Variants in PPP6R1 observed in about 807,000 individuals in gnomAD.
PPP6R1 encodes protein phosphatase 6 regulatory subunit 1.
A neutral mutation model predicts 104.6 loss-of-function variants in PPP6R1; 39 were observed. The ratio of observed to expected loss-of-function variants is 0.37; its 90% CI spans 0.29 to 0.49. PPP6R1 has a LOEUF of 0.49. Ranked by LOEUF, PPP6R1 falls within the 20% of genes least tolerant of loss-of-function variation. PPP6R1 has a pLI of 0.98. For synonymous variants in PPP6R1, 549 were observed against 479.0 expected (o/e 1.15, Z -1.91); for missense variants, 1,181 against 1,155.8 (o/e 1.02, Z -0.32).
intron 1 of PPP6R1, among the ~76,000 whole-genome samples, chr19:55,253,407 A>ACC (rs1001715167): frequency 1.3e-5 from 2 of 152,106 alleles, no homozygotes; most frequent in Non-Finnish European, 2.9e-5. Flanking sequence ...CAAACCCCCT[A>ACC]CCCCTGGTAC....
chr19:55,232,300 G>T, intron 17 of PPP6R1, 89 bp from the exon 18 acceptor site: 1 of 1,457,366 alleles, frequency 6.9e-7, no homozygotes, highest in Admixed American at 2.4e-5. Context: ...TCAGCCCAAG[G>T]AGAGCGGGCT....
rs769434477 is a variant in PPP6R1 at position 55,239,507 on chromosome 19, G to A, written c.1654-5C>T. On this transcript the variant is annotated splice_region_variant and splice_polypyrimidine_tract_variant and intron_variant, in intron 14 of 23. Transcript: ENST00000412770. Reference sequence around the variant, plus strand: ...CATCTGGAAGTCCATGAAGGCCTGTGGGGGTGCGGAGGTTAGGGCTGGAGG... The same window carrying A: ...CATCTGGAAGTCCATGAAGGCCTGTAGGGGTGCGGAGGTTAGGGCTGGAGG... 4 of 1,613,790 alleles carry A rather than the reference G, an allele frequency of 2.5e-6. No homozygotes were observed. The South Asian group carries it at 3.3e-5, about 13-fold the overall frequency.
intron 2 of PPP6R1, among the ~76,000 whole-genome samples, chr19:55,246,448 G>C (rs1004933427): frequency 6.6e-6 from 1 of 150,852 alleles, no homozygotes; most frequent in Non-Finnish European, 1.5e-5. Flanking sequence ...TTTCAGCATC[G>C]CTTGGATTAA....
chr19:55,241,695 C>T lies in PPP6R1; in HGVS notation c.846-56G>A. 1.3e-6 allele frequency: 2 copies of T among 1,483,370 alleles called. No individual in the cohort carries two copies. Among genetic ancestry groups the T allele is most frequent in the Non-Finnish European group, 1.8e-6 (2 of 1,112,430 alleles). The allele number at this position is 1,483,370 out of a possible 1,614,324, so 91.9% of individuals were successfully genotyped here. A position where few individuals can be genotyped will look rare whatever the true frequency, so the allele number is the denominator to read the frequency against. On this transcript the variant is annotated intron_variant, in intron 7 of 23. Transcript: ENST00000412770. The surrounding 1 kb of genome is among the most constrained non-coding windows in gnomAD (Gnocchi z 5.4). Reference sequence around the variant, plus strand: ...AGCCTAGATGGCCTGTGCGCCCACACAGGAGTAGGCACAAGGACCACGTCT... The same window carrying T: ...AGCCTAGATGGCCTGTGCGCCCACATAGGAGTAGGCACAAGGACCACGTCT...
chr19:55,229,113 A>G (rs968377372), downstream of PPP6R1: 11 of 241,298 alleles, frequency 4.6e-5, no homozygotes, highest in African/African-American at 2.4e-4. Context: ...GGCTGGCAGG[A>G]GTGCCCCTGG....
rs1374236082 is a variant in PPP6R1 at position 55,241,464 on chromosome 19, C to T, written c.1008+13G>A. The T allele has an allele frequency of 6.2e-6, 10 of 1,602,638 alleles. No homozygotes were observed. Among genetic ancestry groups the T allele is most frequent in the Non-Finnish European group, 8.5e-6 (10 of 1,174,108 alleles). ...CCCCCGCCTCCCCGAGGACCAGAAC[C>T]CACACCCCTGACCTTGGGAGGCTCC... On this transcript the variant is annotated intron_variant, in intron 8 of 23. Transcript: ENST00000412770. The surrounding 1 kb of genome is among the most constrained non-coding windows in gnomAD (Gnocchi z 5.4).
chr19:55,243,142 C>T (rs1005750810), intron 5 of PPP6R1, among the ~76,000 whole-genome samples: 5 of 151,994 alleles, frequency 3.3e-5, no homozygotes, highest in East Asian at 1.9e-4. Context: ...GGGCCGGGCG[C>T]GGTGGCTCAC....
In PPP6R1 at chr19:55,243,178, G is replaced by T. The variant is rs536827593; in HGVS notation, c.619-690C>A. 1.1e-3 allele frequency among the ~76,000 whole-genome samples: 169 copies of T among 152,316 alleles called. 2 individuals are homozygous for T. The highest frequency in any genetic ancestry group is 2.7e-3 in the Admixed American group (42 of 15,308). On this transcript the variant is annotated intron_variant, in intron 5 of 23. Coordinates refer to ENST00000412770, the MANE Select transcript of PPP6R1 (RefSeq NM_014931.4). Reference sequence around the variant, plus strand: ...GCCTGTAATCCCAGCACTTTGGGAGGCCGAGGCAGGTGGATCACGAGGTCA... The same window carrying T: ...GCCTGTAATCCCAGCACTTTGGGAGTCCGAGGCAGGTGGATCACGAGGTCA...
intron 1 of PPP6R1, among the ~76,000 whole-genome samples, chr19:55,257,214 C>T (rs1198533784): frequency 1.3e-5 from 2 of 152,224 alleles, no homozygotes; most frequent in East Asian, 1.9e-4. Context: ...ACCAAGTCCT[C>T]ATCCTGTGTT....
intron 15 of PPP6R1, 57 bp downstream of exon 15, chr19:55,239,348 C>A: frequency 6.6e-7 from 1 of 1,506,170 alleles, no homozygotes. Flanking sequence ...TACAAGTAGG[C>A]GCGCCTGCTG....
At chr19:55,257,155 C>A (rs2087599475) in intron 1 of PPP6R1, among the ~76,000 whole-genome samples, 1 of 151,768 alleles carries the variant, frequency 6.6e-6, no homozygotes, top group African/African-American at 2.4e-5. Context: ...CACTAGTAAG[C>A]ACACGTGGCC....
chr19:55,239,515 G>A lies in PPP6R1; in HGVS notation c.1654-13C>T, dbSNP rs536993366. ...AGTCCATGAAGGCCTGTGGGGGTGC[G>A]GAGGTTAGGGCTGGAGGGAGTTGGG... is the stretch of plus-strand genomic sequence containing the variant. On this transcript the variant is annotated splice_polypyrimidine_tract_variant and intron_variant, in intron 14 of 23. Transcript: ENST00000412770. 1.8e-5 allele frequency: 29 copies of A among 1,613,478 alleles called. No homozygotes were observed. The South Asian group carries it at 2.1e-4, about 12-fold the overall frequency.
rs751563248 is a variant in PPP6R1 at position 55,230,778 on chromosome 19, G to C, written c.2566C>G (p.Gln856Glu). The C allele has an allele frequency of 1.4e-6, 2 of 1,432,380 alleles. No individual in the cohort carries two copies. The highest frequency in any genetic ancestry group is 2.4e-5 in the South Asian group (2 of 83,576). The allele number at this position is 1,432,380 out of a possible 1,614,324, so 88.7% of individuals were successfully genotyped here. ...CCCTGCTGCCCTGGTGCTCACCTCTGGCTTTGGGGAAGCCCCAAGGGCTCT... is the reference window on the plus strand; with the variant it reads ...CCCTGCTGCCCTGGTGCTCACCTCTCGCTTTGGGGAAGCCCCAAGGGCTCT... Reference protein sequence around the residue: ...SPEPLGLPQSQSAQALTPPPI... With the variant: ...SPEPLGLPQSESAQALTPPPI... Residue 856 changes from glutamine (Q) to glutamate (E), a missense_variant, in exon 22 of 24, where the codon CAG becomes GAG. Gln to Glu is a conservative substitution (Grantham distance 29). Coordinates refer to ENST00000412770, the MANE Select transcript of PPP6R1 (RefSeq NM_014931.4).
In PPP6R1 at chr19:55,231,960, A is replaced by G; in HGVS notation, c.2148T>C (p.Phe716=). The part of the protein sequence containing the change: ...QPPGPSWTAT[F]DPVPTDAPTS... ...TCGGGGCATCTGTAGGCACTGGGTC[A>G]AAGGTGGCTGTCCAGCTGGGGCCTG... Residue 716 remains phenylalanine (F), a synonymous_variant, in exon 19 of 24, where the codon TTT becomes TTC. Coordinates refer to ENST00000412770, the MANE Select transcript of PPP6R1 (RefSeq NM_014931.4). 6.3e-7 allele frequency: 1 copy of G among 1,596,678 alleles called. No homozygotes were observed. The highest frequency in any genetic ancestry group is 8.6e-7 in the Non-Finnish European group (1 of 1,168,610).
chr19:55,255,101 C>T (rs1259484594), intron 1 of PPP6R1, among the ~76,000 whole-genome samples: 1 of 152,178 alleles, frequency 6.6e-6, no homozygotes, highest in Non-Finnish European at 1.5e-5. Flanking sequence ...GGGGAGGGTC[C>T]CCACTTAAAG....
At position 55,254,228 on chromosome 19, in the gene PPP6R1, CG is replaced by C; in HGVS notation, c.-7+4206del. Among the ~76,000 whole-genome samples the C allele has an allele frequency of 1.3e-5, 2 of 152,332 alleles. 1 individual carries two copies. The highest frequency in any genetic ancestry group is 6.8e-3 in the Middle Eastern group (2 of 294). On this transcript the variant is annotated intron_variant, in intron 1 of 23. Coordinates refer to ENST00000412770, the MANE Select transcript of PPP6R1 (RefSeq NM_014931.4). Reference sequence around the variant, plus strand: ...GCAACTTTTAGCAACTTCAAGAAAGCGGAAGTGACTACCACTAGTTTTTAGC... The same window carrying C: ...GCAACTTTTAGCAACTTCAAGAAAGCGAAGTGACTACCACTAGTTTTTAGC...
chr19:55,244,657 G>GT (rs1289316542), intron 5 of PPP6R1, among the ~76,000 whole-genome samples: 3 of 152,198 alleles, frequency 2.0e-5, no homozygotes, highest in Non-Finnish European at 4.4e-5. Flanking sequence ...CACAGTGGGA[G>GT]AATCACTTGA....
downstream of PPP6R1, chr19:55,228,533 C>A: frequency 6.4e-7 from 1 of 1,552,670 alleles, no homozygotes; most frequent in Non-Finnish European, 8.7e-7. Context: ...CACCTGGGAC[C>A]CCAGCTGTAC....
At chr19:55,242,116 G>T in intron 7 of PPP6R1, 50 bp downstream of exon 7, 1 of 1,529,002 alleles carries the variant, frequency 6.5e-7, no homozygotes, top group South Asian at 1.1e-5. Context: ...AGGGGCCGGA[G>T]AGCCCCTGGG....
Sources: gnomAD v4.1 joint callset for allele counts (sites outside exome capture counted in the v4.1 genomes callset) on GRCh38, gnomAD v4.1.1 for gene constraint, Gnocchi (gnomAD v3.1) non-coding constraint, MANE v1.5 for transcripts, NCBI Gene and HGNC (gene_info 2026-07-23, HGNC 2026-07-21) for gene names.